Variants in SLC29A2 observed in about 807,000 individuals in gnomAD.
SLC29A2 encodes solute carrier family 29 member 2.
A neutral mutation model predicts 48.8 loss-of-function variants in SLC29A2; 37 were observed. The observed-to-expected ratio is 0.76, with a 90% confidence interval of 0.58 to 1.00. The LOEUF (loss-of-function observed/expected upper bound fraction) is 1.00. Ranked by LOEUF, SLC29A2 falls within the 50% of genes least tolerant of loss-of-function variation. The pLI, the probability that SLC29A2 is intolerant of heterozygous loss-of-function variation, is 0.00. For missense variants in SLC29A2, 533 were observed against 578.6 expected (o/e 0.92, Z 0.81); for synonymous variants, 233 against 261.7 (o/e 0.89, Z 1.06).
Position 66,363,969 on chromosome 11 carries a change from G to A in SLC29A2, c.1259+256C>T, listed in dbSNP as rs536415769. Reference sequence around the variant, plus strand: ...TTCAACCCATTTTTTTTTACAGATGGGGAAACTGAGGCACATTGAGGCGGC... The same window carrying A: ...TTCAACCCATTTTTTTTTACAGATGAGGAAACTGAGGCACATTGAGGCGGC... On this transcript the variant is annotated intron_variant, in intron 11 of 11. Transcript: ENST00000357440. Among the ~76,000 whole-genome samples the A allele has an allele frequency of 3.9e-4, 59 of 151,908 alleles. No individual in the cohort carries two copies. The South Asian group carries it at 0.012, about 31-fold the overall frequency.
chr11:66,370,110 AC>A, intron 2 of SLC29A2, among the ~76,000 whole-genome samples: 1 of 152,196 alleles, frequency 6.6e-6, no homozygotes, highest in Non-Finnish European at 1.5e-5. Flanking sequence ...CTCCCTCTAA[AC>A]AGGCTGATCG....
rs752353371 is a variant in SLC29A2, at chr11:66,368,682, CAG to C, written c.416-13_416-12del. ...GGACTGCACTGAAGGCTGTGGAGGA[CAG>C]GGATGGGGGCTGCTGCTCAACTAGG... On this transcript the variant is annotated splice_polypyrimidine_tract_variant and intron_variant, in intron 4 of 11. Coordinates refer to ENST00000357440, the MANE Select transcript of SLC29A2 (RefSeq NM_001532.3). The C allele has an allele frequency of 1.3e-6, 2 of 1,591,562 alleles. No individual in the cohort carries two copies. Among genetic ancestry groups the C allele is most frequent in the East Asian group, 4.6e-5 (2 of 43,902 alleles).
rs1855473078 is a variant in SLC29A2, at chr11:66,363,215, A to AC, written c.*220dup. ...CTTTCCATGAGGTCTTGTGCGAGTC[A>AC]CCCCCATTCCTGGGTGAGGGTTAGA... On this transcript the variant is annotated 3_prime_UTR_variant, in exon 12 of 12. Coordinates refer to ENST00000357440, the MANE Select transcript of SLC29A2 (RefSeq NM_001532.3). The AC allele has an allele frequency of 1.7e-6, 1 of 585,460 alleles. No individual in the cohort carries two copies. Among genetic ancestry groups the AC allele is most frequent in the Non-Finnish European group, 3.1e-6 (1 of 321,802 alleles). The allele number at this position is 585,460 out of a possible 1,614,324, so 36.3% of individuals were successfully genotyped here. A position where few individuals can be genotyped will look rare whatever the true frequency, so the allele number is the denominator to read the frequency against.
chr11:66,370,849 ACT>A (rs1352802134), intron 2 of SLC29A2, among the ~76,000 whole-genome samples: 5 of 127,090 alleles, frequency 3.9e-5, no homozygotes, highest in Non-Finnish European at 3.2e-5. Flanking sequence ...AAAGAGCCAG[ACT>A]CTGTCTCAAA....
rs1168461322 is a variant in SLC29A2, at chr11:66,368,610, G to A, written c.477C>T (p.Tyr159=). The A allele has an allele frequency of 1.9e-6, 3 of 1,607,634 alleles. No individual in the cohort carries two copies. The highest frequency in any genetic ancestry group is 2.5e-6 in the Non-Finnish European group (3 of 1,177,140). The change falls in exon 5 of 12, where the codon TAC becomes TAT. Residue 159 remains tyrosine (Y), a synonymous_variant. Coordinates refer to ENST00000357440, the MANE Select transcript of SLC29A2 (RefSeq NM_001532.3). ...CCTGGCCGCTGAGGAAGAGGGTGCT[G>A]TAGGTGGAGGGCATGGTGCCCAGCT... The part of the protein sequence containing the change: ...FGQLGTMPST[Y]STLFLSGQGL...
chr11:66,368,103 TTC>T (rs1855814504), intron 5 of SLC29A2, among the ~76,000 whole-genome samples: 1 of 152,200 alleles, frequency 6.6e-6, no homozygotes, highest in African/African-American at 2.4e-5. Flanking sequence ...GCCAGTAGCC[TTC>T]TCTCATTGCA....
chr11:66,371,355 A>C, intron 1 of SLC29A2, 30 bp from the exon 2 acceptor site: 1 of 1,607,680 alleles, frequency 6.2e-7, no homozygotes, highest in Non-Finnish European at 8.5e-7. Flanking sequence ...GGTCACCCCG[A>C]GGACGCACCC....
At chr11:66,369,235 C>T (rs771323545) in intron 3 of SLC29A2, 36 bp from the exon 4 acceptor site, 2 of 1,580,902 alleles carry the variant, frequency 1.3e-6, no homozygotes, top group South Asian at 2.3e-5. Context: ...CAGTGGGGCC[C>T]AGGCCAGAGG....
At position 66,362,962 on chromosome 11, in the gene SLC29A2, C is replaced by CCCTCAGGTCCT. The variant is rs889683314; in HGVS notation, c.*463_*473dup. 1 of 245,598 alleles carries CCCTCAGGTCCT rather than the reference C, an allele frequency of 4.1e-6. No homozygotes were observed. Among genetic ancestry groups the CCCTCAGGTCCT allele is most frequent in the African/African-American group, 2.3e-5 (1 of 44,294 alleles). The allele number at this position is 245,598 out of a possible 1,614,324, so 15.2% of individuals were successfully genotyped here. On this transcript the variant is annotated 3_prime_UTR_variant, in exon 12 of 12. Transcript: ENST00000357440. Reference sequence around the variant, plus strand: ...GAGGCTGAGCCTGGCCCTTTGAGCACCCTCAGGTCCTCCACATCTGTTCCT... The same window carrying CCCTCAGGTCCT: ...GAGGCTGAGCCTGGCCCTTTGAGCACCCTCAGGTCCTCCTCAGGTCCTCCACATCTGTTCCT...
Position 66,368,718 on chromosome 11 carries a change from A to G in SLC29A2, c.416-47T>C. On this transcript the variant is annotated intron_variant, in intron 4 of 11. Coordinates refer to ENST00000357440, the MANE Select transcript of SLC29A2 (RefSeq NM_001532.3). ...GCTGCTGCTCAACTAGGCAAGACTC[A>G]GAGGCTCCCTGGAGGAGGTGCCGGC... 2.5e-6 allele frequency: 4 copies of G among 1,571,432 alleles called. No individual in the cohort carries two copies. The South Asian group carries it at 4.7e-5, about 18-fold the overall frequency.
upstream of SLC29A2, chr11:66,371,995 G>T (rs988570200): frequency 2.1e-5 from 6 of 285,174 alleles, no homozygotes; most frequent in Non-Finnish European, 3.3e-5. Flanking sequence ...GGGTAGGGAC[G>T]AGGTGTAACC....
Position 66,368,546 on chromosome 11 carries a change from A to G in SLC29A2, c.541T>C (p.Ser181Pro). The change falls in exon 5 of 12, where the codon TCC (serine) becomes CCC (proline). Residue 181 changes from serine (S) to proline (P), a missense_variant. Physicochemically the swap from Ser to Pro is moderately conservative, Grantham distance 74. Coordinates refer to ENST00000357440, the MANE Select transcript of SLC29A2 (RefSeq NM_001532.3). Reference protein sequence around the residue: ...GIFAALAMLLSMASGVDAETS... With the variant: ...GIFAALAMLLPMASGVDAETS... ...ACCCAAGTGCACTCACTGGCCATGGACAGGAGCATGGCAAGGGCAGCAAAG... is the reference window on the plus strand; with the variant it reads ...ACCCAAGTGCACTCACTGGCCATGGGCAGGAGCATGGCAAGGGCAGCAAAG... 6.2e-7 allele frequency: 1 copy of G among 1,613,532 alleles called. No individual in the cohort carries two copies. Among genetic ancestry groups the G allele is most frequent in the Non-Finnish European group, 8.5e-7 (1 of 1,179,962 alleles).
At chr11:66,366,410 G>C (rs1428034802) in intron 8 of SLC29A2, 21 bp downstream of exon 8, 2 of 1,614,034 alleles carry the variant, frequency 1.2e-6, no homozygotes, top group African/African-American at 2.7e-5. Context: ...ATGGTGGTTG[G>C]GGGCTGTATC....
chr11:66,368,564 CA>C lies in SLC29A2; in HGVS notation c.522del (p.Ala175ProfsTer37), dbSNP rs1278432287. ...GCCATGGACAGGAGCATGGCAAGGG[CA>C]GCAAAGATCCCAGCCAGGCCCTGGC... ...LSGQGLAGIF[A>X]ALAMLLSMAS... is the part of the protein sequence containing the mutation. On this transcript the variant is annotated frameshift_variant, in exon 5 of 12. Transcript: ENST00000357440. LOFTEE classifies it high-confidence loss of function. The C allele has an allele frequency of 1.2e-6, 2 of 1,613,372 alleles. No homozygotes were observed. The highest frequency in any genetic ancestry group is 1.7e-6 in the Non-Finnish European group (2 of 1,179,858).
At position 66,368,550 on chromosome 11, in the gene SLC29A2, G is replaced by T; in HGVS notation, c.537C>A (p.Leu179=). Residue 179 remains leucine (L), a synonymous_variant, in exon 5 of 12, where the codon CTC becomes CTA. Transcript: ENST00000357440. The part of the protein sequence containing the change: ...LAGIFAALAM[L]LSMASGVDAE... ...AAGTGCACTCACTGGCCATGGACAG[G>T]AGCATGGCAAGGGCAGCAAAGATCC... 1 of 1,613,560 alleles carries T rather than the reference G, an allele frequency of 6.2e-7. No individual in the cohort carries two copies. Among genetic ancestry groups the T allele is most frequent in the Non-Finnish European group, 8.5e-7 (1 of 1,179,950 alleles).
chr11:66,371,761 G>A, upstream of SLC29A2: 1 of 640,506 alleles, frequency 1.6e-6, no homozygotes, highest in Non-Finnish European at 2.7e-6. Context: ...GGCGTGTCTC[G>A]CGCTCCGCAG....
intron 7 of SLC29A2, among the ~76,000 whole-genome samples, 175 bp downstream of exon 7, chr11:66,367,289 C>A (rs1488254824): frequency 6.6e-6 from 1 of 152,158 alleles, no homozygotes; most frequent in Non-Finnish European, 1.5e-5. Context: ...GAAACTGAGG[C>A]CCAAACAACA....
At chr11:66,370,778 G>C (rs1316581985) in intron 2 of SLC29A2, among the ~76,000 whole-genome samples, 3 of 148,710 alleles carry the variant, frequency 2.0e-5, no homozygotes, top group Non-Finnish European at 4.4e-5. Context: ...AGAATGGCGT[G>C]AACCCGGGAG....
Position 66,366,022 on chromosome 11 carries a change from C to T in SLC29A2, c.974-1G>A. The T allele has an allele frequency of 6.2e-7, 1 of 1,614,110 alleles. No homozygotes were observed. Among genetic ancestry groups the T allele is most frequent in the African/African-American group, 1.3e-5 (1 of 75,044 alleles). On this transcript the variant is annotated splice_acceptor_variant, in intron 9 of 11. Transcript: ENST00000357440. LOFTEE classifies it high-confidence loss of function. ...CAGCAGATGGGGTTGAAGAACTGAC[C>T]TGGGAGGGAAACGGCTGCAGCTCAT...
Sources: gnomAD v4.1 joint callset for allele counts (sites outside exome capture counted in the v4.1 genomes callset) on GRCh38, gnomAD v4.1.1 for gene constraint, MANE v1.5 for transcripts, NCBI Gene and HGNC (gene_info 2026-07-23, HGNC 2026-07-21) for gene names.